GRM7: variants seen among roughly 807,000 people sequenced by gnomAD.
GRM7 encodes the protein glutamate metabotropic receptor 7.
In GRM7, 35 loss-of-function variants were observed where a neutral mutation model predicts 84.5. The observed-to-expected ratio is 0.41, with a 90% CI of 0.32 to 0.55. GRM7 has a LOEUF of 0.55. GRM7 is among the 20% of genes least tolerant of loss of function. The pLI, the probability that GRM7 is intolerant of heterozygous loss-of-function variation, is 0.19. For synonymous variants in GRM7, 487 were observed against 455.1 expected (o/e 1.07, Z -0.89); for missense variants, 1,003 against 1,194.6 (o/e 0.84, Z 2.36).
At chr3:7,416,692 C>T (rs1041510631) in intron 5 of GRM7, among the ~76,000 whole-genome samples, 21 of 152,156 alleles carry the variant, frequency 1.4e-4, no homozygotes, top group East Asian at 7.7e-4. Flanking sequence ...ACTGGACTAT[C>T]GGATTCACCA....
intron 1 of GRM7, among the ~76,000 whole-genome samples, chr3:7,137,430 A>G (rs1693806674): frequency 1.3e-5 from 2 of 152,098 alleles, no homozygotes; most frequent in South Asian, 4.1e-4. Context: ...TTTATTTTTA[A>G]CAATGGCCAG....
chr3:7,449,197 C>G (rs144424382), intron 5 of GRM7, among the ~76,000 whole-genome samples: 1,763 of 151,976 alleles, frequency 0.012, 28 homozygotes, highest in African/African-American at 0.04. Context: ...AGATGAAATA[C>G]CAGTAAAATG....
chr3:7,195,107 A>T (rs1478888015), intron 2 of GRM7, among the ~76,000 whole-genome samples: 1 of 152,184 alleles, frequency 6.6e-6, no homozygotes, highest in Non-Finnish European at 1.5e-5. Flanking sequence ...TACATTATGC[A>T]TAATAGGTTA....
intron 2 of GRM7, among the ~76,000 whole-genome samples, chr3:7,261,047 C>T (rs983880891): frequency 5.3e-5 from 8 of 152,080 alleles, no homozygotes; most frequent in Admixed American, 5.2e-4. Context: ...TGTCCCGGTC[C>T]CTTGGTGGCA....
At chr3:7,272,217 G>T (rs981785921) in intron 2 of GRM7, among the ~76,000 whole-genome samples, 2 of 151,372 alleles carry the variant, frequency 1.3e-5, no homozygotes, top group African/African-American at 2.4e-5. Flanking sequence ...GCCTTATTTT[G>T]TAATATATAC....
chr3:7,527,323 C>A (rs1700845401), intron 7 of GRM7, among the ~76,000 whole-genome samples: 1 of 151,770 alleles, frequency 6.6e-6, no homozygotes, highest in Non-Finnish European at 1.5e-5. Flanking sequence ...TTGCTTTCAG[C>A]TTGAATGTTA....
intron 1 of GRM7, among the ~76,000 whole-genome samples, chr3:7,126,087 T>G (rs1693389570): frequency 6.6e-6 from 1 of 152,180 alleles, no homozygotes; most frequent in Non-Finnish European, 1.5e-5. Context: ...CAGGACAGCC[T>G]GGGAGCCAGG....
chr3:7,594,767 T>G (rs1281715800), intron 8 of GRM7, among the ~76,000 whole-genome samples: 1 of 152,092 alleles, frequency 6.6e-6, no homozygotes, highest in African/African-American at 2.4e-5. Flanking sequence ...CAAAAGCATC[T>G]GCAGGCTCTT....
chr3:7,658,530 C>T (rs980446953), intron 8 of GRM7, among the ~76,000 whole-genome samples: 1 of 152,136 alleles, frequency 6.6e-6, no homozygotes. Context: ...CAGGAGCAAG[C>T]ATGTACAAAA....
chr3:7,393,250 A>G (rs925388859), intron 4 of GRM7, among the ~76,000 whole-genome samples: 3 of 152,056 alleles, frequency 2.0e-5, no homozygotes, highest in African/African-American at 7.2e-5. Context: ...CAGCTCTCAA[A>G]ATGGCTCCCA....
At chr3:7,462,840 G>A (rs551559030) in intron 7 of GRM7, among the ~76,000 whole-genome samples, 83 of 152,186 alleles carry the variant, frequency 5.5e-4, no homozygotes, top group African/African-American at 2.0e-3. Flanking sequence ...TGGCATTTGG[G>A]AATGGTTGGA....
At chr3:7,478,310 G>A (rs187410583) in intron 7 of GRM7, among the ~76,000 whole-genome samples, 166 of 152,180 alleles carry the variant, frequency 1.1e-3, no homozygotes, top group East Asian at 9.3e-3. Flanking sequence ...CCCACTGAGC[G>A]CTGGGCTCTG....
chr3:7,034,936 A>G (rs1359240719), intron 1 of GRM7, among the ~76,000 whole-genome samples: 2 of 152,230 alleles, frequency 1.3e-5, no homozygotes, highest in African/African-American at 4.8e-5. Context: ...AAGGAGAAGG[A>G]TCCCGAGGAT....
chr3:7,473,554 A>C (rs1184926220), intron 7 of GRM7, among the ~76,000 whole-genome samples: 1 of 145,558 alleles, frequency 6.9e-6, no homozygotes, highest in Non-Finnish European at 1.5e-5. Flanking sequence ...GAGTTTTTGT[A>C]ACATCTCAGA....
intron 7 of GRM7, among the ~76,000 whole-genome samples, chr3:7,508,742 A>C (rs1312085598): frequency 6.6e-6 from 1 of 152,210 alleles, no homozygotes; most frequent in Non-Finnish European, 1.5e-5. Context: ...GAGGTTCAGC[A>C]TTCATAAAAA....
Position 7,566,120 on chromosome 3 carries a change from T to TGG in GRM7, c.1516-12302_1516-12301insGG, listed in dbSNP as rs1338246865. Among the ~76,000 whole-genome samples the TGG allele has an allele frequency of 5.0e-3, 155 of 30,782 alleles. 1 individual carries two copies. Among genetic ancestry groups the TGG allele is most frequent in the East Asian group, 0.045 (18 of 396 alleles). The allele number at this position is 30,782 out of a possible 152,430, so 20.2% of individuals were successfully genotyped here. ...AATCAGCTGTTTTTTTTTTTTTTTT[T>TGG]TTTTTTTTTTTTGTAAAAGATCAGA... On this transcript the variant is annotated intron_variant, in intron 7 of 9. Coordinates refer to ENST00000357716, the MANE Select transcript of GRM7 (RefSeq NM_000844.4).
chr3:6,980,508 T>A (rs1379612140), intron 1 of GRM7, among the ~76,000 whole-genome samples: 1 of 152,200 alleles, frequency 6.6e-6, no homozygotes, highest in Non-Finnish European at 1.5e-5. Context: ...CTCTCCTCTG[T>A]GAAATCCAAT....
chr3:7,443,105 T>C (rs1300791437), intron 5 of GRM7, among the ~76,000 whole-genome samples: 1 of 152,096 alleles, frequency 6.6e-6, no homozygotes, highest in Non-Finnish European at 1.5e-5. Context: ...GTTTTTATTT[T>C]CATGAGCATC....
At chr3:7,092,414 A>G (rs901767224) in intron 1 of GRM7, among the ~76,000 whole-genome samples, 1 of 152,164 alleles carries the variant, frequency 6.6e-6, no homozygotes, top group Non-Finnish European at 1.5e-5. Flanking sequence ...TACTTTAATG[A>G]GTCTCGGGCA....
Sources: allele counts gnomAD v4.1 joint callset (sites outside exome capture counted in the v4.1 genomes callset), GRCh38; gene constraint gnomAD v4.1.1; transcripts MANE v1.5; gene names NCBI Gene and HGNC (gene_info 2026-07-23, HGNC 2026-07-21).